Variants in RALGAPA1 observed in about 807,000 individuals in gnomAD.
The protein encoded by RALGAPA1 is ral GTPase-activating protein subunit alpha-1.
RALGAPA1 carries 52 observed loss-of-function variants against 269.6 expected under a neutral mutation model. The observed-to-expected ratio is 0.19, with a 90% CI of 0.15 to 0.24. The LOEUF is 0.24. Ranked by LOEUF, RALGAPA1 falls within the 10% of genes least tolerant of loss-of-function variation. The probability of loss-of-function intolerance (pLI) is 1.00; values close to 1 mark genes in which losing one functional copy is unlikely to be tolerated. For missense variants in RALGAPA1, 1,917 were observed against 3,013.9 expected (o/e 0.64, Z 8.52); for synonymous variants, 817 against 1,008.3 (o/e 0.81, Z 3.60).
chr14:35,635,145 T>C (rs1000796548), intron 32 of RALGAPA1, among the ~76,000 whole-genome samples: 28 of 151,300 alleles, frequency 1.9e-4, no homozygotes, highest in African/African-American at 6.8e-4. Context: ...CACTCCAGCC[T>C]GGGTAACAAG....
intron 33 of RALGAPA1, among the ~76,000 whole-genome samples, chr14:35,631,662 C>A (rs950303213): frequency 6.6e-6 from 1 of 151,966 alleles, no homozygotes; most frequent in Non-Finnish European, 1.5e-5. Context: ...AGAAGAATCC[C>A]TGGCTTTGGC....
chr14:35,695,568 C>CA (rs2066837176), intron 17 of RALGAPA1, among the ~76,000 whole-genome samples: 1 of 152,082 alleles, frequency 6.6e-6, no homozygotes, highest in Non-Finnish European at 1.5e-5. Context: ...GACCAGAGTC[C>CA]AATAGCAACA....
rs1595207525 is a variant in RALGAPA1 at position 35,701,792 on chromosome 14, G to C, written c.2267-1490C>G. On this transcript the variant is annotated intron_variant, in intron 16 of 41. Coordinates refer to ENST00000680220, the MANE Select transcript of RALGAPA1 (RefSeq NM_001346249.2). ...AGAGTAGCTGGGACCACAGGCATAT[G>C]TCACCATGCTTGGCTAATTTTTTTT... Among the ~76,000 whole-genome samples the C allele has an allele frequency of 3.3e-5, 5 of 152,174 alleles. No homozygotes were observed. The South Asian group carries it at 8.3e-4, about 25-fold the overall frequency.
intron 41 of RALGAPA1, among the ~76,000 whole-genome samples, chr14:35,548,210 T>TA (rs753521646): frequency 1.3e-5 from 2 of 152,054 alleles, no homozygotes; most frequent in Non-Finnish European, 2.9e-5. Flanking sequence ...TCAATAGTAC[T>TA]ACTTTTTCAT....
At chr14:35,637,917 A>G (rs1188042483) in intron 31 of RALGAPA1, among the ~76,000 whole-genome samples, 1 of 152,206 alleles carries the variant, frequency 6.6e-6, no homozygotes, top group Non-Finnish European at 1.5e-5. Flanking sequence ...GGCATGACAT[A>G]TTTAAAGTGC....
chr14:35,613,156 A>G (rs1594813114), intron 35 of RALGAPA1, among the ~76,000 whole-genome samples: 1 of 151,410 alleles, frequency 6.6e-6, no homozygotes, highest in Non-Finnish European at 1.5e-5. Flanking sequence ...ATGTTGGCTC[A>G]CTGCAGCCTC....
intron 1 of RALGAPA1, among the ~76,000 whole-genome samples, chr14:35,798,075 G>A (rs1006784956): frequency 1.3e-5 from 2 of 151,072 alleles, no homozygotes; most frequent in African/African-American, 2.4e-5. Context: ...GTTTTGCCTT[G>A]TTGCCTAGGA....
chr14:35,689,919 C>T lies in RALGAPA1; in HGVS notation c.2492G>A (p.Gly831Asp), dbSNP rs1294022305. 1.2e-6 allele frequency: 2 copies of T among 1,601,306 alleles called. No homozygotes were observed. Among genetic ancestry groups the T allele is most frequent in the South Asian group, 1.1e-5 (1 of 89,086 alleles). ...QSEETGNEVF[G>D]ALNEEQPLPR... ...CAATGGCTGCTCCTCATTCAAAGCA[C>T]CAAAAACTTCATTTCCAGTTTCTTC... The change falls in exon 18 of 42, where the codon GGT (glycine) becomes GAT (aspartate). Residue 831 changes from glycine to aspartate, a missense_variant. Gly to Asp is a moderately conservative substitution (Grantham distance 94, BLOSUM62 -1). Transcript: ENST00000680220.
chr14:35,742,535 C>T lies in RALGAPA1; in HGVS notation c.1282G>A (p.Ala428Thr), dbSNP rs777869508. The T allele has an allele frequency of 3.7e-6, 6 of 1,607,720 alleles. No homozygotes were observed. In the African/African-American group the frequency reaches 6.7e-5, roughly 18 times the overall value. ...TATACTTTTACCACTTTTCTCATAG[C>T]TGCTGCTTCACAAATTGGTAATAAA... The part of the protein sequence containing the change: ...AFLLPICEAA[A>T]MRKVVKVYQE... Residue 428 changes from alanine (A) to threonine (T), a missense_variant, in exon 11 of 42, where the codon GCT becomes ACT. Ala to Thr is a moderately conservative substitution (Grantham distance 58). Transcript: ENST00000680220.
intron 32 of RALGAPA1, 109 bp downstream of exon 32, chr14:35,635,355 A>G: frequency 8.0e-7 from 1 of 1,256,356 alleles, no homozygotes; most frequent in Non-Finnish European, 1.1e-6. Flanking sequence ...ATGTGTTCTT[A>G]GAAATTTTCT....
chr14:35,758,243 C>CAAAAAAAAAAAAAAA (rs66473514), intron 6 of RALGAPA1, among the ~76,000 whole-genome samples: 4 of 49,746 alleles, frequency 8.0e-5, no homozygotes, highest in Non-Finnish European at 7.9e-5. Context: ...GACTCTGTCT[C>CAAAAAAAAAAAAAAA]AAAAAAAAAA....
At chr14:35,735,254 C>T (rs528273530) in intron 12 of RALGAPA1, among the ~76,000 whole-genome samples, 6 of 152,298 alleles carry the variant, frequency 3.9e-5, no homozygotes, top group African/African-American at 1.4e-4. Context: ...GAAAAAGATA[C>T]TTGCACACAC....
chr14:35,654,266 T>A (rs1023113337), intron 30 of RALGAPA1, 101 bp downstream of exon 30: 1 of 1,229,286 alleles, frequency 8.1e-7, no homozygotes, highest in Non-Finnish European at 1.1e-6. Context: ...TATTTAGCTA[T>A]GCAAAAAAAT....
intron 35 of RALGAPA1, among the ~76,000 whole-genome samples, chr14:35,624,174 A>AC (rs1555378746): frequency 6.8e-6 from 1 of 147,522 alleles, no homozygotes; most frequent in Non-Finnish European, 1.5e-5. Context: ...AAAAAAAAAA[A>AC]CAACTTGGTA....
At chr14:35,763,736 T>G (rs1300555158) in intron 4 of RALGAPA1, among the ~76,000 whole-genome samples, 4 of 151,974 alleles carry the variant, frequency 2.6e-5, no homozygotes, top group Non-Finnish European at 4.4e-5. Flanking sequence ...ATAGTTATTG[T>G]TCATGATTCC....
chr14:35,731,146 G>A (rs562497664), intron 12 of RALGAPA1, among the ~76,000 whole-genome samples: 5 of 152,240 alleles, frequency 3.3e-5, no homozygotes, highest in African/African-American at 4.8e-5. Context: ...CAATCACTGC[G>A]GTTCAGCTCA....
intron 26 of RALGAPA1, 29 bp from the exon 27 acceptor site, chr14:35,664,796 A>G: frequency 6.2e-7 from 1 of 1,601,772 alleles, no homozygotes; most frequent in Non-Finnish European, 8.5e-7. Context: ...AAAAGTTTAA[A>G]AATATATTGG....
At position 35,627,177 on chromosome 14, in the gene RALGAPA1, T is replaced by C. The variant is rs777251143; in HGVS notation, c.6770A>G (p.Asp2257Gly). 4.4e-6 allele frequency: 7 copies of C among 1,591,324 alleles called. No individual in the cohort carries two copies. The highest frequency in any genetic ancestry group is 6.0e-6 in the Non-Finnish European group (7 of 1,173,206). Residue 2257 changes from aspartate to glycine, a missense_variant, in exon 34 of 42, where the codon GAT becomes GGT. Asp to Gly is a moderately conservative substitution (Grantham distance 94, BLOSUM62 -1). Coordinates refer to ENST00000680220, the MANE Select transcript of RALGAPA1 (RefSeq NM_001346249.2). ...NDLNMKAVEQ[D>G]EPIPQKPQSA... Reference sequence around the variant, plus strand: ...CTGAGGTTTTTGAGGTATTGGTTCATCTTGTTCCACAGCTTTCATGTTTAA... The same window carrying C: ...CTGAGGTTTTTGAGGTATTGGTTCACCTTGTTCCACAGCTTTCATGTTTAA...
chr14:35,652,288 G>A lies in RALGAPA1; in HGVS notation c.5608-415C>T, dbSNP rs189160880. On this transcript the variant is annotated intron_variant, in intron 30 of 41. Coordinates refer to ENST00000680220, the MANE Select transcript of RALGAPA1 (RefSeq NM_001346249.2). The stretch of plus-strand genomic sequence containing the variant: ...TGGGAGCTTGGGCGACAGAGACCCT[G>A]TCTCAAAACAACAAAAAACCACTGT... Among the ~76,000 whole-genome samples, 4 of 152,030 alleles carry A rather than the reference G, an allele frequency of 2.6e-5. No homozygotes were observed. The East Asian group carries it at 7.7e-4, about 29-fold the overall frequency.
Sources: gnomAD v4.1 joint callset for allele counts (sites outside exome capture counted in the v4.1 genomes callset) on GRCh38, gnomAD v4.1.1 for gene constraint, MANE v1.5 for transcripts, NCBI Gene and HGNC (gene_info 2026-07-23, HGNC 2026-07-21) for gene names.